Variants in EGFR observed in about 807,000 individuals in gnomAD.
EGFR encodes the protein epidermal growth factor receptor, also known as avian erythroblastic leukemia viral (v-erb-b) oncogene homolog.
In EGFR, 58 loss-of-function variants were observed where a neutral mutation model predicts 143.0. The observed-to-expected ratio is 0.41, with a 90% CI of 0.33 to 0.50. EGFR has a LOEUF of 0.50. EGFR is among the 20% of genes least tolerant of loss of function. The pLI, the probability that EGFR is intolerant of heterozygous loss-of-function variation, is 0.39. For synonymous variants in EGFR, 613 were observed against 594.4 expected, an observed-to-expected ratio of 1.03 and a Z score of -0.45; for missense variants, 1,307 against 1,579.0, an observed-to-expected ratio of 0.83 and a Z score of 2.92.
chr7:55,198,034 C>T (rs1242391534), intron 22 of EGFR, among the ~76,000 whole-genome samples: 1 of 152,110 alleles, frequency 6.6e-6, no homozygotes, highest in African/African-American at 2.4e-5. Flanking sequence ...AAGGAAGAGT[C>T]CCTCCTTCTC....
At chr7:55,173,621 C>G (rs1042185405) in intron 17 of EGFR, among the ~76,000 whole-genome samples, 1 of 152,236 alleles carries the variant, frequency 6.6e-6, no homozygotes, top group East Asian at 1.9e-4. Flanking sequence ...TGCACAACTT[C>G]CCTACCGGAG....
chr7:55,056,046 A>G (rs1788796595), intron 1 of EGFR, among the ~76,000 whole-genome samples: 1 of 152,056 alleles, frequency 6.6e-6, no homozygotes, highest in African/African-American at 2.4e-5. Context: ...GTTCCACAAC[A>G]CTTCACCAAT....
intron 3 of EGFR, 29 bp downstream of exon 3, chr7:55,143,517 G>T (rs778012608): frequency 6.2e-7 from 1 of 1,613,166 alleles, no homozygotes; most frequent in South Asian, 1.1e-5. Flanking sequence ...AAGGCTGGGG[G>T]TTCATAAATG....
chr7:55,170,603 G>A, intron 15 of EGFR: 2 of 1,606,772 alleles, frequency 1.2e-6, no homozygotes, highest in Non-Finnish European at 1.7e-6. Context: ...CCCTGCACGT[G>A]GGCCGCCAGG....
At chr7:55,063,801 TG>T (rs1348570993) in intron 1 of EGFR, among the ~76,000 whole-genome samples, 1 of 152,224 alleles carries the variant, frequency 6.6e-6, no homozygotes, top group East Asian at 1.9e-4. Flanking sequence ...AGACCATCAG[TG>T]CGCTCCACAG....
At chr7:55,068,565 G>C (rs983541121) in intron 1 of EGFR, among the ~76,000 whole-genome samples, 1 of 152,192 alleles carries the variant, frequency 6.6e-6, no homozygotes, top group African/African-American at 2.4e-5. Context: ...CTCATCACTA[G>C]CCGGGGGGCT....
intron 15 of EGFR, chr7:55,170,223 A>C: frequency 1.2e-6 from 2 of 1,610,892 alleles, no homozygotes; most frequent in Non-Finnish European, 1.7e-6. Context: ...CAGAGATAGA[A>C]ACTGTTAGGA....
chr7:55,157,166 T>G (rs1000836876), intron 10 of EGFR, among the ~76,000 whole-genome samples: 6 of 152,224 alleles, frequency 3.9e-5, no homozygotes, highest in Non-Finnish European at 7.3e-5. Flanking sequence ...CTTTTGAAAC[T>G]GGACGCCAGA....
At chr7:55,076,709 C>T (rs959236138) in intron 1 of EGFR, among the ~76,000 whole-genome samples, 1 of 152,160 alleles carries the variant, frequency 6.6e-6, no homozygotes, top group African/African-American at 2.4e-5. Context: ...ACTGTAGTTT[C>T]TTTCCCTTTG....
intron 20 of EGFR, among the ~76,000 whole-genome samples, chr7:55,189,894 G>A (rs532319382): frequency 3.9e-5 from 6 of 152,230 alleles, no homozygotes; most frequent in Non-Finnish European, 8.8e-5. Flanking sequence ...GAACCAGCAA[G>A]AGGCTGAGCC....
intron 19 of EGFR, chr7:55,180,726 A>G (rs1786821707): frequency 1.2e-5 from 2 of 167,966 alleles, no homozygotes; most frequent in South Asian, 3.1e-4. Flanking sequence ...CATTTCCCAG[A>G]GCACAGTCAG....
Position 55,146,643 on chromosome 7 carries a change from T to C in EGFR, c.462T>C (p.Pro154=), listed in dbSNP as rs2128929469. The C allele has an allele frequency of 2.5e-6, 4 of 1,614,112 alleles. No homozygotes were observed. Among genetic ancestry groups the C allele is most frequent in the Non-Finnish European group, 3.4e-6 (4 of 1,179,970 alleles). ...LHGAVRFSNN[P]ALCNVESIQW... is the part of the protein sequence containing the mutation. ...GCGCCGTGCGGTTCAGCAACAACCC[T>C]GCCCTGTGCAACGTGGAGAGCATCC... The change falls in exon 4 of 28, where the codon CCT becomes CCC. Residue 154 remains proline (P), a synonymous_variant. Coordinates refer to ENST00000275493, the MANE Select transcript of EGFR (RefSeq NM_005228.5).
intron 1 of EGFR, among the ~76,000 whole-genome samples, chr7:55,065,532 AC>A (rs1789441781): frequency 6.6e-6 from 1 of 152,222 alleles, no homozygotes; most frequent in African/African-American, 2.4e-5. Context: ...CTAAAAACTG[AC>A]AGCCAGTTTC....
chr7:55,181,114 T>A (rs752212971), intron 19 of EGFR, 179 bp from the exon 20 acceptor site: 70 of 763,936 alleles, frequency 9.2e-5, no homozygotes, highest in Middle Eastern at 3.8e-4. Flanking sequence ...CATCTGTCAC[T>A]TCACAGCCCT....
intron 1 of EGFR, among the ~76,000 whole-genome samples, chr7:55,038,322 G>C (rs144173933): frequency 1.0e-3 from 157 of 152,286 alleles, no homozygotes; most frequent in African/African-American, 3.6e-3. Context: ...TGATGTGTGA[G>C]GAAACTTTGG....
At chr7:55,067,685 A>G (rs901092828) in intron 1 of EGFR, among the ~76,000 whole-genome samples, 1 of 151,488 alleles carries the variant, frequency 6.6e-6, no homozygotes. Context: ...TATTTAATTG[A>G]CAAATAAAAA....
intron 1 of EGFR, among the ~76,000 whole-genome samples, chr7:55,029,328 A>AT (rs1437283898): frequency 5.3e-5 from 8 of 152,116 alleles, no homozygotes; most frequent in Admixed American, 2.0e-4. Flanking sequence ...ATGTTTCTTG[A>AT]TTTTTTTAAT....
intron 16 of EGFR, among the ~76,000 whole-genome samples, chr7:55,172,030 GA>G (rs1309345398): frequency 5.9e-5 from 9 of 152,092 alleles, no homozygotes; most frequent in Admixed American, 2.0e-4. Context: ...ACTTCAAAAA[GA>G]CTGGGTCCCC....
Position 55,201,780 on chromosome 7 carries a change from G to A in EGFR, c.3160G>A (p.Gly1054Arg). 3.1e-6 allele frequency: 5 copies of A among 1,614,164 alleles called. No homozygotes were observed. Among genetic ancestry groups the A allele is most frequent in the Non-Finnish European group, 4.2e-6 (5 of 1,180,032 alleles). The change falls in exon 26 of 28, where the codon GGG becomes AGG. Residue 1054 changes from glycine to arginine, a missense_variant and splice_region_variant. Around this residue, in one of 7 missense-constraint regions of EGFR, gnomAD observed 313 missense variants for 312.3 expected, o/e 1.00. Transcript: ENST00000275493. ...CACCGTGGCTTGCATTGATAGAAAT[G>A]GGGTATGTATGAACACCTTATAAGC... is the stretch of plus-strand genomic sequence containing the variant. The part of the protein sequence containing the change: ...NSTVACIDRN[G>R]LQSCPIKEDS...
Sources: allele counts gnomAD v4.1 joint callset (sites outside exome capture counted in the v4.1 genomes callset), GRCh38; gene constraint gnomAD v4.1.1; regional missense constraint gnomAD v4.1.1; transcripts MANE v1.5; gene names NCBI Gene and HGNC (gene_info 2026-07-23, HGNC 2026-07-21).